The following ABLIM1 variants were observed in gnomAD, a reference collection of about 807,000 sequenced individuals.
ABLIM1 encodes the protein actin-binding LIM protein 1.
ABLIM1 carries 40 observed loss-of-function variants against 107.0 expected under a neutral mutation model. The observed-to-expected ratio is 0.37, with a 90% CI of 0.29 to 0.49. The LOEUF is 0.49. ABLIM1 is among the 20% of genes least tolerant of loss of function. ABLIM1 has a pLI of 0.97. For synonymous variants in ABLIM1, 357 were observed against 357.3 expected (o/e 1.00, Z 0.01); for missense variants, 857 against 1,008.5 (o/e 0.85, Z 2.04).
intron 8 of ABLIM1, among the ~76,000 whole-genome samples, chr10:114,483,781 T>G (rs1325443732): frequency 6.6e-6 from 1 of 152,250 alleles, no homozygotes; most frequent in Non-Finnish European, 1.5e-5. Context: ...CCAGCCAAAG[T>G]GCTGCAGTGC....
intron 6 of ABLIM1, among the ~76,000 whole-genome samples, chr10:114,516,551 T>A (rs964744618): frequency 4.6e-5 from 7 of 152,090 alleles, no homozygotes; most frequent in African/African-American, 1.4e-4. Flanking sequence ...ACAAAAACTG[T>A]TTCGCATCCA....
At chr10:114,526,084 C>A (rs538157052) in intron 6 of ABLIM1, among the ~76,000 whole-genome samples, 34 of 152,206 alleles carry the variant, frequency 2.2e-4, no homozygotes, top group African/African-American at 7.5e-4. Context: ...GCTCTTTCAA[C>A]CTAGAGCCGC....
intron 1 of ABLIM1, among the ~76,000 whole-genome samples, chr10:114,674,903 G>A (rs1223032840): frequency 6.6e-6 from 1 of 152,122 alleles, no homozygotes; most frequent in Non-Finnish European, 1.5e-5. Flanking sequence ...CTGGATCTCA[G>A]GCAGTTTCTG....
At chr10:114,451,703 A>G in intron 13 of ABLIM1, 32 bp from the exon 14 acceptor site, 1 of 1,583,574 alleles carries the variant, frequency 6.3e-7, no homozygotes, top group Non-Finnish European at 8.6e-7. Context: ...GTGTGTGATT[A>G]TGGGAACCAG....
At chr10:114,532,964 A>T (rs1023535564) in intron 6 of ABLIM1, among the ~76,000 whole-genome samples, 2 of 152,170 alleles carry the variant, frequency 1.3e-5, no homozygotes, top group Non-Finnish European at 2.9e-5. Context: ...TCAAATGGAG[A>T]TTAGGTCTGA....
intron 4 of ABLIM1, among the ~76,000 whole-genome samples, chr10:114,561,446 C>T (rs1645257314): frequency 6.6e-6 from 1 of 152,144 alleles, no homozygotes; most frequent in South Asian, 2.1e-4. Context: ...ATTTTTAATA[C>T]AGTTTGCTTT....
chr10:114,470,259 C>G (rs1319289480), intron 10 of ABLIM1, among the ~76,000 whole-genome samples: 1 of 151,984 alleles, frequency 6.6e-6, no homozygotes, highest in Non-Finnish European at 1.5e-5. Flanking sequence ...CCCAACTCTA[C>G]TGAAAATACA....
chr10:114,651,496 G>A (rs970960029), intron 1 of ABLIM1, among the ~76,000 whole-genome samples: 1 of 152,100 alleles, frequency 6.6e-6, no homozygotes, highest in Non-Finnish European at 1.5e-5. Context: ...TACAAAGAGA[G>A]GCCCAACGTG....
At chr10:114,498,993 C>CGGTGCTA (rs1565631551) in intron 6 of ABLIM1, among the ~76,000 whole-genome samples, 2 of 152,220 alleles carry the variant, frequency 1.3e-5, no homozygotes, top group African/African-American at 4.8e-5. Context: ...TGAGGTAGGT[C>CGGTGCTA]GGTGCTATTT....
chr10:114,615,724 C>A (rs2077088294), intron 1 of ABLIM1: 1 of 348,968 alleles, frequency 2.9e-6, no homozygotes, highest in Non-Finnish European at 6.1e-6. Context: ...GGTTCACCAA[C>A]AGTGTCTACT....
chr10:114,795,640 C>T, the ABLIM1 span, among the ~76,000 whole-genome samples: 4 of 147,934 alleles, frequency 2.7e-5, no homozygotes, highest in African/African-American at 5.0e-5. Context: ...ACACGGGAGG[C>T]AAAGGTTGCA....
chr10:114,527,662 T>A (rs1208553745), intron 6 of ABLIM1, among the ~76,000 whole-genome samples: 1 of 148,110 alleles, frequency 6.8e-6, no homozygotes, highest in Admixed American at 6.7e-5. Context: ...CTCTTGTCTT[T>A]TTTTTTTTTT....
upstream of ABLIM1, among the ~76,000 whole-genome samples, chr10:114,688,870 C>T (rs2081006096): frequency 6.6e-6 from 1 of 152,182 alleles, no homozygotes; most frequent in Non-Finnish European, 1.5e-5. Flanking sequence ...ACAAGTTCAG[C>T]AGTCCAAAAA....
intron 1 of ABLIM1, among the ~76,000 whole-genome samples, chr10:114,704,302 C>CTCTCTCTATATATATATATA (rs1380460034): frequency 1.2e-4 from 5 of 43,088 alleles, no homozygotes; most frequent in Admixed American, 2.3e-4. Flanking sequence ...CTCTCTCTCT[C>CTCTCTCTATATATATATATA]TATATATATA....
intron 7 of ABLIM1, among the ~76,000 whole-genome samples, chr10:114,490,843 C>G (rs1040600464): frequency 2.1e-5 from 3 of 145,774 alleles, no homozygotes; most frequent in Non-Finnish European, 4.5e-5. Flanking sequence ...TTTTTTCTTC[C>G]TTTTTGTGGA....
intron 8 of ABLIM1, among the ~76,000 whole-genome samples, chr10:114,477,464 G>A (rs898186632): frequency 2.0e-5 from 3 of 152,158 alleles, no homozygotes; most frequent in African/African-American, 7.2e-5. Context: ...GGGCTTTGGG[G>A]TCACTCGTAT....
At chr10:114,640,437 G>A (rs2140924454) in intron 1 of ABLIM1, among the ~76,000 whole-genome samples, 1 of 152,302 alleles carries the variant, frequency 6.6e-6, no homozygotes, top group East Asian at 1.9e-4. Context: ...TGGGGCAGGA[G>A]AATCGCTTGA....
intron 1 of ABLIM1, among the ~76,000 whole-genome samples, chr10:114,605,620 C>T (rs1162371915): frequency 1.3e-5 from 2 of 152,144 alleles, no homozygotes; most frequent in East Asian, 3.9e-4. Flanking sequence ...CCTTCCATGG[C>T]TCATCAATTT....
chr10:114,781,607 T>C, the ABLIM1 span, among the ~76,000 whole-genome samples: 5 of 150,606 alleles, frequency 3.3e-5, no homozygotes, highest in Non-Finnish European at 7.4e-5. Context: ...TATATATGTA[T>C]ATATGTGTGT....
Sources: allele counts gnomAD v4.1 joint callset (sites outside exome capture counted in the v4.1 genomes callset), GRCh38; gene constraint gnomAD v4.1.1; transcripts MANE v1.5; gene names NCBI Gene and HGNC (gene_info 2026-07-23, HGNC 2026-07-21).